Variants in CELF2 observed in about 807,000 individuals in gnomAD.
CELF2 encodes CUG triplet repeat RNA-binding protein 2.
Under a neutral mutation model 62.6 loss-of-function variants are expected in CELF2, and 8 were observed. The observed-to-expected ratio is 0.13, with a 90% CI of 0.07 to 0.23. The LOEUF (loss-of-function observed/expected upper bound fraction) is 0.23. CELF2 is among the 10% of genes least tolerant of loss of function. The probability of loss-of-function intolerance (pLI) is 1.00; values close to 1 mark genes in which losing one functional copy is unlikely to be tolerated. For synonymous variants in CELF2, 258 were observed against 250.0 expected, an observed-to-expected ratio of 1.03 and a Z score of -0.30; for missense variants, 333 against 671.0, an observed-to-expected ratio of 0.50 and a Z score of 5.56.
the CELF2 span, among the ~76,000 whole-genome samples, chr10:10,714,130 T>C: frequency 6.6e-6 from 1 of 152,104 alleles, no homozygotes; most frequent in Non-Finnish European, 1.5e-5. Flanking sequence ...CTTTAGATGG[T>C]GATTAAAGAC....
intron 1 of CELF2, among the ~76,000 whole-genome samples, chr10:10,834,397 A>G: frequency 6.6e-6 from 1 of 152,136 alleles, no homozygotes; most frequent in Non-Finnish European, 1.5e-5. Flanking sequence ...TAATCTGTAC[A>G]ATAAACCCCC....
At chr10:10,582,208 T>C in the CELF2 span, among the ~76,000 whole-genome samples, 3 of 152,196 alleles carry the variant, frequency 2.0e-5, no homozygotes, top group East Asian at 5.8e-4. Context: ...CACTTGTGAA[T>C]CCCTGCTCAG....
intron 1 of CELF2, among the ~76,000 whole-genome samples, chr10:10,888,872 A>G (rs2061945833): frequency 6.6e-6 from 1 of 152,232 alleles, no homozygotes; most frequent in African/African-American, 2.4e-5. Flanking sequence ...TAAATATAAC[A>G]TGGTCTGTCT....
chr10:10,608,492 T>C, the CELF2 span, among the ~76,000 whole-genome samples: 1 of 152,224 alleles, frequency 6.6e-6, no homozygotes, highest in Non-Finnish European at 1.5e-5. Flanking sequence ...TGTTGTTTCC[T>C]CTTAGAACTT....
chr10:11,322,829 GA>G (rs1310914393), intron 11 of CELF2, among the ~76,000 whole-genome samples: 6 of 152,080 alleles, frequency 3.9e-5, no homozygotes, highest in African/African-American at 1.4e-4. Flanking sequence ...GCTTGTGAAA[GA>G]GACCCTACAT....
chr10:11,248,417 C>T (rs2076240452), intron 3 of CELF2, among the ~76,000 whole-genome samples: 1 of 151,992 alleles, frequency 6.6e-6, no homozygotes, highest in South Asian at 2.1e-4. Context: ...TGTCTCCCTC[C>T]CTTCCACCCT....
At chr10:10,806,064 T>C (rs762578934) in intron 1 of CELF2, among the ~76,000 whole-genome samples, 5 of 152,160 alleles carry the variant, frequency 3.3e-5, no homozygotes, top group Non-Finnish European at 5.9e-5. Flanking sequence ...CTTTAGATGG[T>C]GAAGTGAGAA....
At chr10:11,262,342 C>T (rs2080900076) in intron 5 of CELF2, among the ~76,000 whole-genome samples, 1 of 152,136 alleles carries the variant, frequency 6.6e-6, no homozygotes, top group African/African-American at 2.4e-5. Flanking sequence ...AGTTCAAGAC[C>T]AGCCTGGGCA....
At chr10:10,818,818 T>C (rs7081661) in intron 1 of CELF2, among the ~76,000 whole-genome samples, 33,232 of 152,068 alleles carry the variant, frequency 0.22, 4,401 homozygotes, top group East Asian at 0.54. Context: ...CCTCGAGTAA[T>C]CTGCCTGCCT....
chr10:10,826,308 G>A (rs1220422682), intron 1 of CELF2, among the ~76,000 whole-genome samples: 1 of 152,156 alleles, frequency 6.6e-6, no homozygotes, highest in Non-Finnish European at 1.5e-5. Context: ...TATTCATCTA[G>A]CTGTGGTCAA....
At position 11,296,296 on chromosome 10, in the gene CELF2, T is replaced by C. The variant is rs1454437354; in HGVS notation, c.976+7744T>C. Among the ~76,000 whole-genome samples, 1 of 152,222 alleles carries C rather than the reference T, an allele frequency of 6.6e-6. No individual in the cohort carries two copies. The highest frequency in any genetic ancestry group is 1.9e-4 in the East Asian group (1 of 5,208). The stretch of plus-strand genomic sequence containing the variant: ...GCTAAGTGTGATTTGTTTTTAAATA[T>C]TGCTTTGCACACTCTTCTGTATTGT... On this transcript the variant is annotated intron_variant, in intron 9 of 12. Transcript: ENST00000633077. This position sits in a 1 kb window ranked among gnomAD's most constrained non-coding sequence, Gnocchi z 5.0.
the CELF2 span, among the ~76,000 whole-genome samples, chr10:10,522,459 C>T: frequency 6.6e-6 from 1 of 152,212 alleles, no homozygotes; most frequent in Non-Finnish European, 1.5e-5. Context: ...TCACCGGAAC[C>T]ATGTTCTCAC....
chr10:10,809,295 G>A (rs2055590644), intron 1 of CELF2, among the ~76,000 whole-genome samples: 1 of 152,082 alleles, frequency 6.6e-6, no homozygotes, highest in Non-Finnish European at 1.5e-5. Flanking sequence ...AACCATGCTG[G>A]GACTTTGATC....
intron 1 of CELF2, among the ~76,000 whole-genome samples, chr10:11,139,803 C>G (rs1359623790): frequency 4.6e-5 from 7 of 151,894 alleles, no homozygotes; most frequent in Non-Finnish European, 8.8e-5. Flanking sequence ...CTCCCCGTTT[C>G]CTTTCCCAGT....
intron 2 of CELF2, among the ~76,000 whole-genome samples, chr10:10,967,543 C>T (rs185648480): frequency 1.1e-4 from 17 of 152,148 alleles, no homozygotes; most frequent in Admixed American, 6.5e-4. Flanking sequence ...CCAGAAAAGG[C>T]GGGGAGGGTG....
intron 1 of CELF2, among the ~76,000 whole-genome samples, chr10:11,006,386 G>C (rs1482196491): frequency 6.6e-6 from 1 of 152,178 alleles, no homozygotes; most frequent in East Asian, 1.9e-4. Context: ...AGAGCTTTTT[G>C]CATTCTGCCG....
chr10:11,086,548 C>T (rs2046782297), intron 1 of CELF2, among the ~76,000 whole-genome samples: 1 of 128,986 alleles, frequency 7.8e-6, no homozygotes, highest in Non-Finnish European at 1.5e-5. Flanking sequence ...TCCTCTTCCA[C>T]AGTGAATCCA....
chr10:10,811,361 A>G (rs561588840), intron 1 of CELF2, among the ~76,000 whole-genome samples: 3 of 152,284 alleles, frequency 2.0e-5, no homozygotes, highest in Non-Finnish European at 4.4e-5. Context: ...GGAGGGCCAG[A>G]AAGCAGGAGT....
At position 10,809,603 on chromosome 10, in the gene CELF2, C is replaced by T. The variant is rs114285423; in HGVS notation, c.53+10786C>T. On this transcript the variant is annotated intron_variant, in intron 1 of 13. Transcript: ENST00000636488. ...TCAAAAGTATATAAACTTAAGCTAA[C>T]GTTTAATAATTGATGCTTTAGTACT... is the stretch of plus-strand genomic sequence containing the variant. 4.6e-3 allele frequency among the ~76,000 whole-genome samples: 707 copies of T among 152,148 alleles called. 1 individual carries two copies. The highest frequency in any genetic ancestry group is 0.016 in the African/African-American group (652 of 41,510).
Sources: gnomAD v4.1 joint callset for allele counts (sites outside exome capture counted in the v4.1 genomes callset) on GRCh38, gnomAD v4.1.1 for gene constraint, Gnocchi (gnomAD v3.1) non-coding constraint, MANE v1.5 for transcripts, NCBI Gene and HGNC (gene_info 2026-07-23, HGNC 2026-07-21) for gene names.